SYT1: variants seen among roughly 807,000 people sequenced by gnomAD.
SYT1 encodes the protein synaptotagmin-1.
SYT1 carries 8 observed loss-of-function variants against 44.8 expected under a neutral mutation model. The observed-to-expected ratio is 0.18, with a 90% CI of 0.10 to 0.32. The LOEUF is 0.32. Among genes scored for constraint, SYT1 ranks in the 10% least tolerant of loss-of-function variants. The pLI, the probability that SYT1 is intolerant of heterozygous loss-of-function variation, is 1.00. For synonymous variants in SYT1, 154 were observed against 188.8 expected, an observed-to-expected ratio of 0.82 and a Z score of 1.51; for missense variants, 286 against 509.3, an observed-to-expected ratio of 0.56 and a Z score of 4.22.
intron 9 of SYT1, among the ~76,000 whole-genome samples, chr12:79,386,013 T>G (rs1884420945): frequency 6.6e-6 from 1 of 152,214 alleles, no homozygotes; most frequent in South Asian, 2.1e-4. Context: ...TGCTGGTGAA[T>G]ATCATTGCTG....
At chr12:79,259,792 TA>T in intron 4 of SYT1, among the ~76,000 whole-genome samples, 1 of 152,304 alleles carries the variant, frequency 6.6e-6, no homozygotes, top group African/African-American at 2.4e-5. Context: ...TGTGGAGCCA[TA>T]TGGGGCAAAG....
chr12:78,921,083 A>G (rs1451639747), intron 1 of SYT1, among the ~76,000 whole-genome samples: 1 of 151,944 alleles, frequency 6.6e-6, no homozygotes, highest in Non-Finnish European at 1.5e-5. Flanking sequence ...CCACCAAATA[A>G]CTAAAATTAA....
chr12:78,953,129 C>A (rs951946894), intron 1 of SYT1, among the ~76,000 whole-genome samples: 2 of 151,904 alleles, frequency 1.3e-5, no homozygotes, highest in Non-Finnish European at 2.9e-5. Flanking sequence ...ATAAAAAGAG[C>A]GGTGGTAGGA....
chr12:79,335,959 A>G (rs1882073038), intron 8 of SYT1, among the ~76,000 whole-genome samples: 1 of 152,208 alleles, frequency 6.6e-6, no homozygotes, highest in African/African-American at 2.4e-5. Context: ...GCTGTTAATG[A>G]AACTTTACTA....
At chr12:79,121,419 T>C (rs763028539) in intron 3 of SYT1, among the ~76,000 whole-genome samples, 3 of 152,166 alleles carry the variant, frequency 2.0e-5, no homozygotes, top group Non-Finnish European at 4.4e-5. Context: ...TAATCTTAAA[T>C]AAAATGTAGG....
At chr12:79,250,822 A>G (rs1442571696) in intron 4 of SYT1, among the ~76,000 whole-genome samples, 2 of 152,132 alleles carry the variant, frequency 1.3e-5, no homozygotes, top group Admixed American at 1.3e-4. Context: ...AGGGCAAATT[A>G]TGTTATCAGC....
chr12:79,300,778 A>G (rs1880099624), intron 8 of SYT1, among the ~76,000 whole-genome samples: 1 of 99,562 alleles, frequency 1.0e-5, no homozygotes, highest in South Asian at 3.9e-4. Flanking sequence ...TATAATATTC[A>G]TGTATACTTA....
intron 3 of SYT1, among the ~76,000 whole-genome samples, chr12:79,095,272 G>GA (rs1271295942): frequency 2.6e-5 from 4 of 151,870 alleles, no homozygotes; most frequent in East Asian, 3.9e-4. Flanking sequence ...GAAATGTACT[G>GA]AAAAAAATGG....
chr12:79,254,385 T>A (rs1291908500), intron 4 of SYT1, among the ~76,000 whole-genome samples: 1 of 152,218 alleles, frequency 6.6e-6, no homozygotes, highest in Admixed American at 6.5e-5. Flanking sequence ...AAGCCCATTG[T>A]TGAGACCTGC....
chr12:79,193,937 A>G (rs1202975003), intron 3 of SYT1, among the ~76,000 whole-genome samples: 2 of 152,194 alleles, frequency 1.3e-5, no homozygotes, highest in Non-Finnish European at 2.9e-5. Context: ...CATAGAGCAT[A>G]TGATTTTAAG....
intron 4 of SYT1, among the ~76,000 whole-genome samples, chr12:79,262,429 G>A (rs180880848): frequency 6.8e-6 from 1 of 147,960 alleles, no homozygotes; most frequent in Admixed American, 6.9e-5. Flanking sequence ...ACTGAGATGA[G>A]GACCAGAGCC....
At chr12:79,153,692 T>G (rs1006549340) in intron 3 of SYT1, among the ~76,000 whole-genome samples, 15 of 152,288 alleles carry the variant, frequency 9.8e-5, no homozygotes, top group Admixed American at 9.8e-4. Flanking sequence ...TGATAATCTC[T>G]GACATAAAAA....
Position 79,212,310 on chromosome 12 carries a change from A to G in SYT1, c.-17-5193A>G, listed in dbSNP as rs913731913. On this transcript the variant is annotated intron_variant, in intron 3 of 10. Transcript: ENST00000261205. ...CTCACTCATAAGTGGGAGTTGAACA[A>G]TGAGAACACATGGATGCAGGGAGGG... 1.1e-4 allele frequency among the ~76,000 whole-genome samples: 16 copies of G among 152,266 alleles called. 1 individual carries two copies. The South Asian group carries it at 2.1e-3, about 20-fold the overall frequency.
At chr12:79,391,441 G>A (rs1884652708) in intron 9 of SYT1, among the ~76,000 whole-genome samples, 1 of 152,102 alleles carries the variant, frequency 6.6e-6, no homozygotes, top group Non-Finnish European at 1.5e-5. Context: ...TGTATACATT[G>A]GGGGATGCCA....
chr12:79,106,074 G>A (rs1878702152), intron 3 of SYT1, among the ~76,000 whole-genome samples: 1 of 152,090 alleles, frequency 6.6e-6, no homozygotes, highest in Admixed American at 6.6e-5. Context: ...TGAGTCAGAA[G>A]AAATTGAGTG....
intron 8 of SYT1, among the ~76,000 whole-genome samples, chr12:79,335,872 T>C (rs745675511): frequency 2.3e-4 from 35 of 152,246 alleles, no homozygotes; most frequent in Non-Finnish European, 5.9e-5. Context: ...AGCTGGAAAG[T>C]AGAATGCCCA....
At chr12:79,165,773 G>C (rs1871189440) in intron 3 of SYT1, among the ~76,000 whole-genome samples, 1 of 151,914 alleles carries the variant, frequency 6.6e-6, no homozygotes, top group Admixed American at 6.6e-5. Context: ...TTAAATGGGA[G>C]CTGAATTGTC....
At chr12:79,044,626 C>T (rs1433099412) in intron 2 of SYT1, among the ~76,000 whole-genome samples, 1 of 149,536 alleles carries the variant, frequency 6.7e-6, no homozygotes, top group Non-Finnish European at 1.5e-5. Context: ...CTTCTCTCAG[C>T]TCGTCAAAGT....
intron 1 of SYT1, among the ~76,000 whole-genome samples, chr12:78,897,266 G>C (rs1875412630): frequency 6.6e-6 from 1 of 151,352 alleles, no homozygotes; most frequent in African/African-American, 2.4e-5. Flanking sequence ...CAAATACCAG[G>C]ATACTTTTAA....
Sources: gnomAD v4.1 joint callset for allele counts (sites outside exome capture counted in the v4.1 genomes callset) on GRCh38, gnomAD v4.1.1 for gene constraint, MANE v1.5 for transcripts, NCBI Gene and HGNC (gene_info 2026-07-23, HGNC 2026-07-21) for gene names.